KIF5C: variants seen among roughly 807,000 people sequenced by gnomAD.
KIF5C encodes kinesin family member 5C.
Under a neutral mutation model 125.2 loss-of-function variants are expected in KIF5C, and 18 were observed. The ratio of observed to expected loss-of-function variants is 0.14; its 90% CI spans 0.10 to 0.21. The LOEUF is 0.21. Among genes scored for constraint, KIF5C ranks in the 10% least tolerant of loss-of-function variants. The pLI, the probability that KIF5C is intolerant of heterozygous loss-of-function variation, is 1.00. For missense variants in KIF5C, 780 were observed against 1,183.8 expected, an observed-to-expected ratio of 0.66 and a Z score of 5.01; for synonymous variants, 405 against 434.0, an observed-to-expected ratio of 0.93 and a Z score of 0.83.
intron 25 of KIF5C, among the ~76,000 whole-genome samples, chr2:149,016,113 T>C (rs1296875236): frequency 6.6e-6 from 1 of 152,328 alleles, no homozygotes; most frequent in Non-Finnish European, 1.5e-5. Context: ...ATTTGAGGAA[T>C]GTTACCAAGG....
intron 1 of KIF5C, among the ~76,000 whole-genome samples, chr2:148,909,235 A>C (rs1681239213): frequency 6.6e-6 from 1 of 152,120 alleles, no homozygotes; most frequent in Non-Finnish European, 1.5e-5. Context: ...CCCACTTTCC[A>C]GCAGACCACG....
chr2:149,000,873 A>G (rs753680990), intron 21 of KIF5C, 91 bp downstream of exon 21: 262 of 1,580,496 alleles, frequency 1.7e-4, no homozygotes, highest in Non-Finnish European at 2.1e-4. Flanking sequence ...ATCCATGCAC[A>G]CCTTTCTGTG....
At chr2:148,889,971 A>G (rs1457666554) in intron 1 of KIF5C, among the ~76,000 whole-genome samples, 1 of 152,212 alleles carries the variant, frequency 6.6e-6, no homozygotes, top group Non-Finnish European at 1.5e-5. Context: ...ACTTTAGAAG[A>G]CACAGCATGT....
intron 10 of KIF5C, among the ~76,000 whole-genome samples, chr2:148,956,876 A>G (rs1441388472): frequency 6.6e-6 from 1 of 152,204 alleles, no homozygotes; most frequent in African/African-American, 2.4e-5. Context: ...TTCTTTGTGA[A>G]TGATCAGGCC....
At chr2:148,887,020 G>A (rs555234456) in intron 1 of KIF5C, among the ~76,000 whole-genome samples, 11 of 152,132 alleles carry the variant, frequency 7.2e-5, no homozygotes, top group Admixed American at 2.6e-4. Context: ...GTAACATTGC[G>A]CTGTCCAAAT....
At chr2:148,929,258 T>A in intron 2 of KIF5C, 23 bp from the exon 3 acceptor site, 1 of 1,477,468 alleles carries the variant, frequency 6.8e-7, no homozygotes. Context: ...GAGTTAATTT[T>A]AATTTCTTTT....
At chr2:149,004,295 G>A (rs951007544) in intron 21 of KIF5C, among the ~76,000 whole-genome samples, 3 of 152,188 alleles carry the variant, frequency 2.0e-5, no homozygotes, top group Admixed American at 6.5e-5. Context: ...AGATGTGAGC[G>A]TGTGTGAGTT....
chr2:149,019,919 C>T (rs1682481357), intron 25 of KIF5C, among the ~76,000 whole-genome samples: 1 of 152,156 alleles, frequency 6.6e-6, no homozygotes, highest in African/African-American at 2.4e-5. Context: ...TAAATCTGGT[C>T]ACACGTTGCC....
intron 12 of KIF5C, among the ~76,000 whole-genome samples, chr2:148,976,740 A>T (rs1313621327): frequency 1.4e-5 from 2 of 146,132 alleles, no homozygotes; most frequent in Non-Finnish European, 3.0e-5. Context: ...ACACTCAGCT[A>T]ATTTTTTTTT....
intron 1 of KIF5C, chr2:148,885,608 A>G (rs1418893306): frequency 6.6e-6 from 1 of 152,232 alleles, no homozygotes; most frequent in Non-Finnish European, 1.5e-5. Context: ...CTGAAAAGAA[A>G]GCATATATGT....
intron 1 of KIF5C, among the ~76,000 whole-genome samples, chr2:148,902,941 G>T (rs1680962305): frequency 6.6e-6 from 1 of 152,146 alleles, no homozygotes; most frequent in African/African-American, 2.4e-5. Flanking sequence ...CTGCTTGCCT[G>T]CTTATTCCTC....
Position 148,948,746 on chromosome 2 carries a change from G to A in KIF5C, c.715-1093G>A, listed in dbSNP as rs995650957. 1.1e-4 allele frequency among the ~76,000 whole-genome samples: 16 copies of A among 152,256 alleles called. No individual in the cohort carries two copies. In the East Asian group the frequency reaches 1.5e-3, roughly 15 times the overall value. ...TCTGGGGCTCAGTTTCCTGTCTGTCGAAGGAGGGTGATAGATGGTACCTGC... is the reference window on the plus strand; with the variant it reads ...TCTGGGGCTCAGTTTCCTGTCTGTCAAAGGAGGGTGATAGATGGTACCTGC... On this transcript the variant is annotated intron_variant, in intron 8 of 25. Coordinates refer to ENST00000435030, the MANE Select transcript of KIF5C (RefSeq NM_004522.3).
intron 1 of KIF5C, among the ~76,000 whole-genome samples, chr2:148,877,536 A>G (rs1681226420): frequency 6.6e-6 from 1 of 152,222 alleles, no homozygotes; most frequent in Non-Finnish European, 1.5e-5. Context: ...ATCTGCCTAC[A>G]GCCTGATCTG....
At chr2:148,960,788 G>A (rs975511894) in intron 10 of KIF5C, among the ~76,000 whole-genome samples, 58 of 152,350 alleles carry the variant, frequency 3.8e-4, no homozygotes, top group African/African-American at 1.4e-3. Context: ...AAATCAGATT[G>A]TGCTGGCAAA....
chr2:148,881,405 T>C (rs1029556856), intron 1 of KIF5C, among the ~76,000 whole-genome samples: 3 of 152,212 alleles, frequency 2.0e-5, no homozygotes, highest in Non-Finnish European at 4.4e-5. Flanking sequence ...TGTGTATATC[T>C]TCCCATGTAG....
intron 1 of KIF5C, among the ~76,000 whole-genome samples, chr2:148,899,449 C>T (rs1454550259): frequency 2.0e-5 from 3 of 152,072 alleles, no homozygotes; most frequent in South Asian, 4.2e-4. Flanking sequence ...TGCCTATAAT[C>T]CCAGCACTTT....
chr2:148,926,284 CCTT>C (rs1681991860), intron 2 of KIF5C, among the ~76,000 whole-genome samples: 2 of 152,224 alleles, frequency 1.3e-5, no homozygotes, highest in African/African-American at 4.8e-5. Flanking sequence ...AGTGGAAGCT[CCTT>C]CTGGGGTTCA....
At chr2:149,009,167 T>C (rs1446287127) in intron 23 of KIF5C, among the ~76,000 whole-genome samples, 1 of 151,806 alleles carries the variant, frequency 6.6e-6, no homozygotes, top group Non-Finnish European at 1.5e-5. Context: ...TTTTTTTGTA[T>C]TTTTAGTAGA....
At chr2:148,977,220 C>T (rs1045424961) in intron 12 of KIF5C, among the ~76,000 whole-genome samples, 1 of 152,196 alleles carries the variant, frequency 6.6e-6, no homozygotes, top group African/African-American at 2.4e-5. Flanking sequence ...GGGCCAGGGG[C>T]CCTTGGTTTT....
Sources: gnomAD v4.1 joint callset for allele counts (sites outside exome capture counted in the v4.1 genomes callset) on GRCh38, gnomAD v4.1.1 for gene constraint, MANE v1.5 for transcripts, NCBI Gene and HGNC (gene_info 2026-07-23, HGNC 2026-07-21) for gene names.